CNTN4: variants seen among roughly 807,000 people sequenced by gnomAD.
The protein encoded by CNTN4 is contactin-4.
A neutral mutation model predicts 122.5 loss-of-function variants in CNTN4; 77 were observed. The ratio of observed to expected loss-of-function variants is 0.63; its 90% CI spans 0.52 to 0.76. The LOEUF (loss-of-function observed/expected upper bound fraction) is 0.76. Among genes scored for constraint, CNTN4 ranks in the 30% least tolerant of loss-of-function variants. CNTN4 has a pLI of 0.00. For missense variants in CNTN4, 1,256 were observed against 1,259.1 expected, an observed-to-expected ratio of 1.00 and a Z score of 0.04; for synonymous variants, 512 against 447.0, an observed-to-expected ratio of 1.15 and a Z score of -1.83.
chr3:2,556,671 T>G (rs2078734625), intron 3 of CNTN4, among the ~76,000 whole-genome samples: 1 of 152,088 alleles, frequency 6.6e-6, no homozygotes, highest in Non-Finnish European at 1.5e-5. Flanking sequence ...CATATAAAAA[T>G]CACATTTTAT....
Position 2,802,804 on chromosome 3 carries a change from G to A in CNTN4, c.359-16682G>A, listed in dbSNP as rs1462625899. On this transcript the variant is annotated intron_variant, in intron 6 of 24. Coordinates refer to ENST00000418658, the MANE Select transcript of CNTN4 (RefSeq NM_175607.3). Reference sequence around the variant, plus strand: ...TATGGTGCTGAGGCTGAAAGCAATTGAGAACACAAATTGTCTTAAATGACT... The same window carrying A: ...TATGGTGCTGAGGCTGAAAGCAATTAAGAACACAAATTGTCTTAAATGACT... Among the ~76,000 whole-genome samples, 8 of 152,072 alleles carry A rather than the reference G, an allele frequency of 5.3e-5. No homozygotes were observed. In the East Asian group the frequency reaches 1.5e-3, roughly 29 times the overall value.
chr3:2,893,890 T>A (rs550528896), intron 10 of CNTN4, among the ~76,000 whole-genome samples: 2 of 152,306 alleles, frequency 1.3e-5, no homozygotes, highest in African/African-American at 4.8e-5. Flanking sequence ...GACTCCTTTT[T>A]ACCCTGAAAA....
intron 3 of CNTN4, among the ~76,000 whole-genome samples, chr3:2,345,211 G>A (rs766694479): frequency 2.0e-5 from 3 of 152,062 alleles, no homozygotes; most frequent in Non-Finnish European, 4.4e-5. Context: ...AAGAAAATAA[G>A]CCATTGCCTG....
chr3:2,347,695 C>T lies in CNTN4; in HGVS notation c.-89+8462C>T, dbSNP rs537405556. 2.0e-5 allele frequency among the ~76,000 whole-genome samples: 3 copies of T among 152,126 alleles called. No individual in the cohort carries two copies. In the South Asian group the frequency reaches 6.2e-4, roughly 32 times the overall value. ...AAAGTGCTGGAATTACAAGCGTGAG[C>T]CACCATGCCTGGCCAGGAAATACAA... On this transcript the variant is annotated intron_variant, in intron 3 of 24. Coordinates refer to ENST00000418658, the MANE Select transcript of CNTN4 (RefSeq NM_175607.3).
intron 3 of CNTN4, among the ~76,000 whole-genome samples, chr3:2,536,328 C>G (rs1184076926): frequency 6.6e-6 from 1 of 152,116 alleles, no homozygotes; most frequent in Admixed American, 6.6e-5. Flanking sequence ...TGCTTTTAGG[C>G]TGACTGAAAT....
intron 2 of CNTN4, among the ~76,000 whole-genome samples, chr3:2,126,041 C>A (rs980671230): frequency 6.6e-6 from 1 of 151,898 alleles, no homozygotes; most frequent in African/African-American, 2.4e-5. Flanking sequence ...AAGCTCTTTC[C>A]GTAGTGTGTC....
At chr3:2,483,274 T>G (rs1344918887) in intron 3 of CNTN4, among the ~76,000 whole-genome samples, 1 of 152,210 alleles carries the variant, frequency 6.6e-6, no homozygotes, top group African/African-American at 2.4e-5. Context: ...CCGCTTTGTT[T>G]TGGCCAATGT....
intron 2 of CNTN4, among the ~76,000 whole-genome samples, chr3:2,221,346 A>G (rs1300020487): frequency 6.6e-6 from 1 of 152,048 alleles, no homozygotes; most frequent in Admixed American, 6.6e-5. Context: ...CTTTTAGCTG[A>G]TGTATAGCTC....
intron 2 of CNTN4, among the ~76,000 whole-genome samples, chr3:2,244,099 A>G (rs780186179): frequency 7.3e-4 from 111 of 152,056 alleles, no homozygotes; most frequent in African/African-American, 2.7e-3. Context: ...CCTTATATAT[A>G]CTATGTTTTT....
chr3:2,916,998 C>G (rs2094369035), intron 12 of CNTN4, among the ~76,000 whole-genome samples: 3 of 126,858 alleles, frequency 2.4e-5, no homozygotes, highest in African/African-American at 5.8e-5. Context: ...CCACTGCACT[C>G]CAGCCTGGGC....
chr3:2,420,779 T>G (rs756787054), intron 3 of CNTN4, among the ~76,000 whole-genome samples: 8 of 152,152 alleles, frequency 5.3e-5, no homozygotes, highest in Non-Finnish European at 1.2e-4. Flanking sequence ...TTTCCTCATT[T>G]TCTTTCTGGC....
At chr3:3,026,960 A>C (rs1698774273) in intron 15 of CNTN4, among the ~76,000 whole-genome samples, 1 of 152,162 alleles carries the variant, frequency 6.6e-6, no homozygotes, top group Non-Finnish European at 1.5e-5. Flanking sequence ...GATCCCATTG[A>C]CAATAAAGAT....
chr3:2,550,049 C>A (rs538148078), intron 3 of CNTN4, among the ~76,000 whole-genome samples: 1 of 152,106 alleles, frequency 6.6e-6, no homozygotes, highest in African/African-American at 2.4e-5. Context: ...GTTTACATCC[C>A]CTTGGTCATT....
chr3:2,787,710 G>C (rs1178644209), intron 6 of CNTN4, among the ~76,000 whole-genome samples: 1 of 151,744 alleles, frequency 6.6e-6, no homozygotes, highest in Non-Finnish European at 1.5e-5. Context: ...ATGCAATAGC[G>C]CATACTTTGT....
In CNTN4 at chr3:2,883,346, A is replaced by G. The variant is rs17646346; in HGVS notation, c.755+99A>G. On this transcript the variant is annotated intron_variant, in intron 9 of 24. Transcript: ENST00000418658. ...ACAGCGATGGTTTCTGAGGTGACGG[A>G]AAAGCAAGTGAAGCCTTTCTCTTTG... 96,197 of 856,468 alleles carry G rather than the reference A, an allele frequency of 0.11. 6,124 individuals carry two copies. Among genetic ancestry groups the G allele is most frequent in the Middle Eastern group, 0.2 (900 of 4,544 alleles). 53.1% of individuals were successfully genotyped at this position (856,468 alleles called of 1,614,324 possible).
At chr3:3,042,638 T>G (rs1218300298) in intron 21 of CNTN4, among the ~76,000 whole-genome samples, 2 of 152,256 alleles carry the variant, frequency 1.3e-5, no homozygotes, top group Non-Finnish European at 2.9e-5. Context: ...TCGAATTATA[T>G]GCAAATCTAA....
At chr3:2,756,090 T>C (rs1207946516) in intron 6 of CNTN4, among the ~76,000 whole-genome samples, 1 of 152,244 alleles carries the variant, frequency 6.6e-6, no homozygotes, top group Non-Finnish European at 1.5e-5. Context: ...ATCAATATCC[T>C]TTTCTTCAAG....
chr3:2,795,272 G>A (rs758365473), intron 6 of CNTN4, among the ~76,000 whole-genome samples: 1 of 152,126 alleles, frequency 6.6e-6, no homozygotes, highest in African/African-American at 2.4e-5. Flanking sequence ...CTGACAGGCT[G>A]ACCCTGATCC....
At chr3:2,944,325 G>A (rs892039684) in intron 13 of CNTN4, among the ~76,000 whole-genome samples, 1 of 151,992 alleles carries the variant, frequency 6.6e-6, no homozygotes, top group African/African-American at 2.4e-5. Flanking sequence ...ATAGCACAGA[G>A]TTAAAAAATA....
Sources: allele counts gnomAD v4.1 joint callset (sites outside exome capture counted in the v4.1 genomes callset), GRCh38; gene constraint gnomAD v4.1.1; transcripts MANE v1.5; gene names NCBI Gene and HGNC (gene_info 2026-07-23, HGNC 2026-07-21).